The following COIL variants were observed in gnomAD, a reference collection of about 807,000 sequenced individuals.
COIL encodes coilin p80.
In COIL, 28 loss-of-function variants were observed where a neutral mutation model predicts 51.6. The ratio of observed to expected loss-of-function variants is 0.54; its 90% CI spans 0.40 to 0.74. COIL has a LOEUF of 0.74. Among genes scored for constraint, COIL ranks in the 30% least tolerant of loss-of-function variants. The pLI is 0.00. For missense variants in COIL, 667 were observed against 685.9 expected, an observed-to-expected ratio of 0.97 and a Z score of 0.31; for synonymous variants, 233 against 255.8, an observed-to-expected ratio of 0.91 and a Z score of 0.85.
chr17:56,955,285 C>A (rs1225809066), intron 1 of COIL, among the ~76,000 whole-genome samples: 1 of 152,142 alleles, frequency 6.6e-6, no homozygotes, highest in African/African-American at 2.4e-5. Context: ...AGGCTGGTCT[C>A]GAACTGACCT....
chr17:56,946,730 A>G (rs188971019), intron 4 of COIL, among the ~76,000 whole-genome samples: 2 of 152,364 alleles, frequency 1.3e-5, no homozygotes, highest in Non-Finnish European at 2.9e-5. Context: ...ATATCTTTAG[A>G]GGCAAAATAA....
intron 1 of COIL, among the ~76,000 whole-genome samples, chr17:56,959,903 C>T (rs1306887870): frequency 6.6e-6 from 1 of 152,232 alleles, no homozygotes; most frequent in African/African-American, 2.4e-5. Context: ...AGAAGCATCC[C>T]GGGAAGGATG....
rs1910589253 is a variant in COIL at position 56,960,949 on chromosome 17, G to C, written c.71C>G (p.Thr24Arg). The change falls in exon 1 of 7, where the codon ACG (threonine) becomes AGG (arginine). Residue 24 changes from threonine (T) to arginine (R), a missense_variant. Physicochemically the swap from Thr to Arg is moderately conservative, Grantham distance 71. Transcript: ENST00000240316. ...CAAGTCGACCAGAAGCCAGAAGGCCGTACAGTGCGGGGTAGCTGGCGGCGG... is the reference window on the plus strand; with the variant it reads ...CAAGTCGACCAGAAGCCAGAAGGCCCTACAGTGCGGGGTAGCTGGCGGCGG... Reference protein sequence around the residue: ...DYPPPATPHCTAFWLLVDLNR... With the variant: ...DYPPPATPHCRAFWLLVDLNR... The C allele has an allele frequency of 6.2e-7, 1 of 1,614,192 alleles. No homozygotes were observed. Among genetic ancestry groups the C allele is most frequent in the Non-Finnish European group, 8.5e-7 (1 of 1,180,016 alleles).
chr17:56,960,995 G>A lies in COIL; in HGVS notation c.25C>T (p.Leu9=). The change falls in exon 1 of 7, where the codon CTA becomes TTA. Residue 9 remains leucine, a synonymous_variant. Coordinates refer to ENST00000240316, the MANE Select transcript of COIL (RefSeq NM_004645.3). ...GGCGGGTAATCAAATTGAAGCCGTA[G>A]CCTAACCGTCTCGGAAGCTGCCATC... MAASETVR[L]RLQFDYPPPA... 3 of 1,614,012 alleles carry A rather than the reference G, an allele frequency of 1.9e-6. No individual in the cohort carries two copies. The highest frequency in any genetic ancestry group is 2.5e-6 in the Non-Finnish European group (3 of 1,179,954).
chr17:56,958,024 A>G (rs1910515156), intron 1 of COIL, among the ~76,000 whole-genome samples: 1 of 152,236 alleles, frequency 6.6e-6, no homozygotes, highest in African/African-American at 2.4e-5. Context: ...TAGCCTTCTC[A>G]GTACTGCCAA....
In COIL at chr17:56,938,872, G is replaced by A. The variant is rs1445758468; in HGVS notation, c.*199C>T. On this transcript the variant is annotated 3_prime_UTR_variant, in exon 7 of 7. Transcript: ENST00000240316. ...CATTTTGTTAACTGAAATTAAACCT[G>A]ACAAAAAAACCAAAGATCTACAAAA... 2.3e-6 allele frequency: 1 copy of A among 440,862 alleles called. No homozygotes were observed. The highest frequency in any genetic ancestry group is 4.0e-6 in the Non-Finnish European group (1 of 251,000). The allele number at this position is 440,862 out of a possible 1,614,324, so 27.3% of individuals were successfully genotyped here.
chr17:56,956,111 C>G (rs1186181908), intron 1 of COIL, among the ~76,000 whole-genome samples: 3 of 152,172 alleles, frequency 2.0e-5, no homozygotes, highest in Admixed American at 1.3e-4. Flanking sequence ...ATACCCCAAA[C>G]TTAACCAAGG....
chr17:56,959,795 T>C (rs1057374448), intron 1 of COIL, among the ~76,000 whole-genome samples: 1 of 152,274 alleles, frequency 6.6e-6, no homozygotes, highest in African/African-American at 2.4e-5. Flanking sequence ...AGTCGCACAG[T>C]GCCTAGCTAA....
In COIL at chr17:56,950,042, G is replaced by A. The variant is rs1567852795; in HGVS notation, c.1200C>T (p.Asn400=). 1 of 1,614,062 alleles carries A rather than the reference G, an allele frequency of 6.2e-7. No homozygotes were observed. Among genetic ancestry groups the A allele is most frequent in the Admixed American group, 1.7e-5 (1 of 59,990 alleles). The change falls in exon 2 of 7, where the codon AAC becomes AAT. Residue 400 remains asparagine (N), a synonymous_variant. Transcript: ENST00000240316. ...SLGRGWGREE[N]LFSWKGAKGR... ...CCTTAGCTCCCTTCCAAGAAAAAAG[G>A]TTCTCTTCTCTACCCCATCCTCTTC...
chr17:56,952,597 G>C (rs1425524486), intron 1 of COIL, among the ~76,000 whole-genome samples: 1 of 152,154 alleles, frequency 6.6e-6, no homozygotes, highest in African/African-American at 2.4e-5. Flanking sequence ...CTGAGTAAGG[G>C]AGAATTCATT....
In COIL at chr17:56,950,050, C is replaced by G. The variant is rs755673894; in HGVS notation, c.1192G>C (p.Glu398Gln). 1.2e-6 allele frequency: 2 copies of G among 1,614,174 alleles called. No homozygotes were observed. Among genetic ancestry groups the G allele is most frequent in the East Asian group, 2.2e-5 (1 of 44,886 alleles). The change falls in exon 2 of 7, where the codon GAA (glutamate) becomes CAA (glutamine). Residue 398 changes from glutamate to glutamine, a missense_variant. Physicochemically the swap from Glu to Gln is conservative, Grantham distance 29. Coordinates refer to ENST00000240316, the MANE Select transcript of COIL (RefSeq NM_004645.3). The part of the protein sequence containing the change: ...PASLGRGWGR[E>Q]ENLFSWKGAK... ...CCCTTCCAAGAAAAAAGGTTCTCTT[C>G]TCTACCCCATCCTCTTCCTAAACTA...
chr17:56,960,746 C>T (rs762262995), intron 1 of COIL, 29 bp downstream of exon 1: 3 of 1,488,844 alleles, frequency 2.0e-6, no homozygotes, highest in African/African-American at 2.9e-5. Flanking sequence ...CGCCGCCCAC[C>T]CGGCCGTCCC....
At position 56,950,637 on chromosome 17, in the gene COIL, G is replaced by C. The variant is rs1187844630; in HGVS notation, c.605C>G (p.Ser202Cys). 1 of 1,612,624 alleles carries C rather than the reference G, an allele frequency of 6.2e-7. No individual in the cohort carries two copies. ...EYKKKAKNPKSPKVQAVKDWA... is the reference protein window; with the variant it reads ...EYKKKAKNPKCPKVQAVKDWA... ...GTCTTTCACTGCCTGTACTTTCGGA[G>C]ACTTGGGATTCTTAGCCTTTTTTTT... Residue 202 changes from serine to cysteine, a missense_variant, in exon 2 of 7, where the codon TCT (serine) becomes TGT (cysteine). By Grantham distance (112) the Ser-to-Cys change is moderately radical. Transcript: ENST00000240316.
chr17:56,945,720 T>C (rs1910235144), intron 5 of COIL, among the ~76,000 whole-genome samples: 1 of 152,204 alleles, frequency 6.6e-6, no homozygotes, highest in South Asian at 2.1e-4. Context: ...TTGGGGGTTT[T>C]TAAAATATTT....
intron 5 of COIL, among the ~76,000 whole-genome samples, chr17:56,942,714 C>A (rs916631049): frequency 6.6e-6 from 1 of 152,112 alleles, no homozygotes; most frequent in African/African-American, 2.4e-5. Context: ...CAGGGTTTCA[C>A]CATGTTGGCC....
chr17:56,940,060 A>G (rs113499552), intron 6 of COIL: 76 of 152,246 alleles, frequency 5.0e-4, no homozygotes, highest in African/African-American at 1.7e-3. Context: ...GCTTGGTCCT[A>G]TGAATGAATA....
At chr17:56,944,301 T>C (rs1022728625) in intron 5 of COIL, among the ~76,000 whole-genome samples, 5 of 151,972 alleles carry the variant, frequency 3.3e-5, no homozygotes, top group African/African-American at 9.7e-5. Context: ...AGAAGAAAGG[T>C]TGGAAACCTG....
chr17:56,951,010 AAGAG>A lies in COIL; in HGVS notation c.246-18_246-15del. On this transcript the variant is annotated splice_polypyrimidine_tract_variant and intron_variant, in intron 1 of 6. Transcript: ENST00000240316. ...TCTAATTTAACTCTGTCAAAAGAAC[AAGAG>A]AGAAAGCTAGAGTGAGCAATTTATA... 1 of 1,587,794 alleles carries A rather than the reference AAGAG, an allele frequency of 6.3e-7. No individual in the cohort carries two copies. The highest frequency in any genetic ancestry group is 8.5e-7 in the Non-Finnish European group (1 of 1,173,924).
rs571592149 is a variant in COIL, at chr17:56,942,642, A to C, written c.1559-519T>G. 7.0e-4 allele frequency among the ~76,000 whole-genome samples: 106 copies of C among 152,154 alleles called. 5 individuals carry two copies. The South Asian group carries it at 0.02, about 29-fold the overall frequency. On this transcript the variant is annotated intron_variant, in intron 5 of 6. Coordinates refer to ENST00000240316, the MANE Select transcript of COIL (RefSeq NM_004645.3). ...GTGATTCTTGTGCCTCAGCCTCCTGAGTAGCTGGGATTACAGGCATGCACC... is the reference window on the plus strand; with the variant it reads ...GTGATTCTTGTGCCTCAGCCTCCTGCGTAGCTGGGATTACAGGCATGCACC...
Sources: gnomAD v4.1 joint callset for allele counts (sites outside exome capture counted in the v4.1 genomes callset) on GRCh38, gnomAD v4.1.1 for gene constraint, MANE v1.5 for transcripts, NCBI Gene and HGNC (gene_info 2026-07-23, HGNC 2026-07-21) for gene names.